Variants in FER1L6 observed in about 807,000 individuals in gnomAD.
FER1L6 encodes the protein fer-1 like family member 6.
A neutral mutation model predicts 219.2 loss-of-function variants in FER1L6; 177 were observed. The ratio of observed to expected loss-of-function variants is 0.81; its 90% CI spans 0.71 to 0.91. The LOEUF (loss-of-function observed/expected upper bound fraction) is 0.91. Among genes scored for constraint, FER1L6 ranks in the 40% least tolerant of loss-of-function variants. The probability of loss-of-function intolerance (pLI) is 0.00; values close to 1 mark genes in which losing one functional copy is unlikely to be tolerated. For synonymous variants in FER1L6, 768 were observed against 824.3 expected, an observed-to-expected ratio of 0.93 and a Z score of 1.17; for missense variants, 2,153 against 2,259.9, an observed-to-expected ratio of 0.95 and a Z score of 0.96.
intron 12 of FER1L6, among the ~76,000 whole-genome samples, chr8:123,989,518 A>G (rs1439280275): frequency 6.6e-6 from 1 of 152,196 alleles, no homozygotes; most frequent in East Asian, 1.9e-4. Flanking sequence ...TCACCCAAGC[A>G]GTGTACATTG....
rs72709143 is a variant in FER1L6 at position 123,973,484 on chromosome 8, A to G, written c.498A>G (p.Val166=). 2.4e-3 allele frequency: 3,915 copies of G among 1,614,074 alleles called. 8 individuals are homozygous for G. The highest frequency in any genetic ancestry group is 2.8e-3 in the Non-Finnish European group (3,339 of 1,179,922). ...IGSVLIGSFK[V]DLGTVYNQPG... ...GTGTACTGATTGGCTCTTTCAAAGTAGACCTGGGGACCGTGTACAACCAAC... is the reference window on the plus strand; with the variant it reads ...GTGTACTGATTGGCTCTTTCAAAGTGGACCTGGGGACCGTGTACAACCAAC... Residue 166 remains valine, a synonymous_variant, in exon 7 of 41, where the codon GTA becomes GTG. Transcript: ENST00000522917.
intron 1 of FER1L6, among the ~76,000 whole-genome samples, chr8:123,893,316 T>C (rs750120298): frequency 2.6e-5 from 4 of 152,226 alleles, no homozygotes; most frequent in East Asian, 3.8e-4. Context: ...AAGACTGATA[T>C]GTTTACAACG....
intron 11 of FER1L6, among the ~76,000 whole-genome samples, chr8:123,982,018 A>C (rs1267807161): frequency 6.6e-6 from 1 of 151,938 alleles, no homozygotes; most frequent in East Asian, 1.9e-4. Flanking sequence ...AACTTAGTGG[A>C]CCTCCCCAGT....
rs1823400362 is a variant in FER1L6 at position 124,119,646 on chromosome 8, T to G, written c.5430T>G (p.Phe1810Leu). The G allele has an allele frequency of 6.2e-7, 1 of 1,613,916 alleles. No individual in the cohort carries two copies. Among genetic ancestry groups the G allele is most frequent in the Non-Finnish European group, 8.5e-7 (1 of 1,179,828 alleles). The change falls in exon 41 of 41, where the codon TTT becomes TTG. Residue 1810 changes from phenylalanine (F) to leucine (L), a missense_variant. Coordinates refer to ENST00000522917, the MANE Select transcript of FER1L6 (RefSeq NM_001039112.2). ...CCTTTTCGTGGTTCATGAGCCCCTT[T>G]AAGTGCCTGTACTACCTCATCTGGA... The part of the protein sequence containing the change: ...DTSFSWFMSP[F>L]KCLYYLIWKN...
chr8:123,963,733 T>A (rs939941535), intron 3 of FER1L6, among the ~76,000 whole-genome samples: 1 of 152,252 alleles, frequency 6.6e-6, no homozygotes, highest in African/African-American at 2.4e-5. Flanking sequence ...GCTCATTATC[T>A]TAGCTTCTTG....
intron 1 of FER1L6, among the ~76,000 whole-genome samples, chr8:123,903,371 T>C (rs1317599226): frequency 6.6e-6 from 1 of 152,220 alleles, no homozygotes; most frequent in Non-Finnish European, 1.5e-5. Flanking sequence ...CTAGAAAACG[T>C]AGCATTCCTA....
intron 40 of FER1L6, 151 bp from the exon 41 acceptor site, chr8:124,119,456 T>C: frequency 1.5e-6 from 1 of 653,610 alleles, no homozygotes. Context: ...GTCAGGCTGC[T>C]CCTGCTTCAG....
intron 31 of FER1L6, among the ~76,000 whole-genome samples, chr8:124,072,477 TAATTG>T (rs1821118835): frequency 6.6e-6 from 1 of 152,256 alleles, no homozygotes; most frequent in Non-Finnish European, 1.5e-5. Context: ...GTGGTTTTTG[TAATTG>T]TATTATTTTA....
At chr8:124,024,313 C>A (rs1818607645) in intron 18 of FER1L6, among the ~76,000 whole-genome samples, 1 of 151,624 alleles carries the variant, frequency 6.6e-6, no homozygotes, top group South Asian at 2.1e-4. Flanking sequence ...GAGTAGTGTA[C>A]AATGTATGAA....
rs941578952 is a variant in FER1L6, at chr8:123,857,222, G to A, written c.-8+5037G>A. Among the ~76,000 whole-genome samples the A allele has an allele frequency of 2.6e-5, 4 of 152,158 alleles. No individual in the cohort carries two copies. In the East Asian group the frequency reaches 7.7e-4, roughly 29 times the overall value. On this transcript the variant is annotated intron_variant, in intron 1 of 40. Transcript: ENST00000522917. Reference sequence around the variant, plus strand: ...ATTTATATTTAATTATTAAAAAGTAGTCCAGGCCTTGGCACGATGGCTCAT... The same window carrying A: ...ATTTATATTTAATTATTAAAAAGTAATCCAGGCCTTGGCACGATGGCTCAT...
chr8:124,114,222 C>T (rs945507310), intron 39 of FER1L6, among the ~76,000 whole-genome samples: 1 of 151,982 alleles, frequency 6.6e-6, no homozygotes, highest in Non-Finnish European at 1.5e-5. Context: ...CACCCTCCTC[C>T]CCCACCCCCC....
At chr8:124,039,001 A>G (rs1461239290) in intron 19 of FER1L6, among the ~76,000 whole-genome samples, 2 of 152,218 alleles carry the variant, frequency 1.3e-5, no homozygotes, top group African/African-American at 2.4e-5. Context: ...AGAAAGTACC[A>G]TGGACCAAGG....
chr8:123,942,604 T>TAAGG (rs1814285059), intron 1 of FER1L6, among the ~76,000 whole-genome samples: 1 of 152,210 alleles, frequency 6.6e-6, no homozygotes, highest in South Asian at 2.1e-4. Flanking sequence ...CTTTGTTCCT[T>TAAGG]GTCTTGTGAC....
intron 20 of FER1L6, among the ~76,000 whole-genome samples, chr8:124,043,417 G>A (rs183542440): frequency 2.0e-5 from 3 of 152,300 alleles, no homozygotes; most frequent in Non-Finnish European, 4.4e-5. Flanking sequence ...TCATCAAAAT[G>A]TTAGCTAAGT....
chr8:123,866,884 A>G (rs576954976), intron 1 of FER1L6, among the ~76,000 whole-genome samples: 15 of 152,206 alleles, frequency 9.9e-5, no homozygotes, highest in Non-Finnish European at 1.8e-4. Context: ...CTCCCAAAGT[A>G]CTGGTATTAC....
intron 1 of FER1L6, among the ~76,000 whole-genome samples, chr8:123,955,384 TG>T (rs898135954): frequency 1.3e-5 from 2 of 152,184 alleles, no homozygotes; most frequent in Non-Finnish European, 2.9e-5. Context: ...AGCTGAGCTG[TG>T]CGCTTATGGT....
At chr8:124,114,248 A>G (rs928005778) in intron 39 of FER1L6, among the ~76,000 whole-genome samples, 6 of 152,148 alleles carry the variant, frequency 3.9e-5, no homozygotes, top group African/African-American at 1.4e-4. Context: ...GATAGGACAA[A>G]TACATAATTA....
At chr8:123,859,320 T>G (rs902487063) in intron 1 of FER1L6, among the ~76,000 whole-genome samples, 1 of 152,160 alleles carries the variant, frequency 6.6e-6, no homozygotes, top group Non-Finnish European at 1.5e-5. Flanking sequence ...ATTTTCAATG[T>G]GATGTTTTGA....
chr8:124,017,512 T>C (rs373592014), intron 15 of FER1L6, 116 bp from the exon 16 acceptor site: 46 of 730,012 alleles, frequency 6.3e-5, no homozygotes, highest in Admixed American at 2.7e-4. Context: ...AAAATATTGG[T>C]TTTATGGCTT....
Sources: gnomAD v4.1 joint callset for allele counts (sites outside exome capture counted in the v4.1 genomes callset) on GRCh38, gnomAD v4.1.1 for gene constraint, MANE v1.5 for transcripts, NCBI Gene and HGNC (gene_info 2026-07-23, HGNC 2026-07-21) for gene names.